Variants in NUP98 observed in about 807,000 individuals in gnomAD.
NUP98 encodes the protein nuclear pore complex protein Nup98-Nup96.
NUP98 carries 26 observed loss-of-function variants against 191.9 expected under a neutral mutation model. The ratio of observed to expected loss-of-function variants is 0.14; its 90% CI spans 0.10 to 0.19. The LOEUF (loss-of-function observed/expected upper bound fraction) is 0.19, where lower values mean the gene tolerates loss of function less well. Among genes scored for constraint, NUP98 ranks in the 10% least tolerant of loss-of-function variants. NUP98 has a pLI of 1.00. For synonymous variants in NUP98, 808 were observed against 778.4 expected (o/e 1.04, Z -0.63); for missense variants, 1,941 against 2,178.8 (o/e 0.89, Z 2.17).
chr11:3,793,913 G>C (rs938526358), intron 1 of NUP98, among the ~76,000 whole-genome samples: 3 of 152,074 alleles, frequency 2.0e-5, no homozygotes, highest in East Asian at 3.9e-4. Context: ...AGGTTGCGGT[G>C]AGCCAAGATC....
intron 12 of NUP98, among the ~76,000 whole-genome samples, chr11:3,738,757 GAC>G (rs1239361136): frequency 9.5e-6 from 1 of 105,654 alleles, no homozygotes; most frequent in Non-Finnish European, 1.7e-5. Context: ...CAGCCTGGGT[GAC>G]AGAGTAAGAC....
intron 26 of NUP98, 69 bp downstream of exon 26, chr11:3,695,380 C>T: frequency 7.3e-7 from 1 of 1,364,276 alleles, no homozygotes; most frequent in Non-Finnish European, 9.7e-7. Flanking sequence ...CACTCCTTGC[C>T]TCAACCTCAA....
chr11:3,729,761 C>T (rs1468866520), intron 14 of NUP98, among the ~76,000 whole-genome samples: 1 of 125,926 alleles, frequency 7.9e-6, no homozygotes, highest in Non-Finnish European at 1.7e-5. Flanking sequence ...TTGACAGCAA[C>T]ACCACAGAAG....
intron 7 of NUP98, among the ~76,000 whole-genome samples, chr11:3,771,142 C>T (rs146178501): frequency 3.5e-3 from 536 of 152,294 alleles, no homozygotes; most frequent in African/African-American, 0.013. Flanking sequence ...GGACTGCAGG[C>T]GTGAGCCACC....
At chr11:3,757,306 T>C (rs1043259198) in intron 10 of NUP98, among the ~76,000 whole-genome samples, 20 of 150,708 alleles carry the variant, frequency 1.3e-4, no homozygotes, top group Non-Finnish European at 2.5e-4. Context: ...CTGGGTGACA[T>C]GGCAAACCCT....
chr11:3,695,699 C>A, intron 25 of NUP98, 93 bp from the exon 26 acceptor site: 1 of 906,616 alleles, frequency 1.1e-6, no homozygotes, highest in Non-Finnish European at 1.5e-6. Context: ...TTCCAGCCTT[C>A]AGAAGGGAGG....
rs1291676926 is a variant in NUP98, at chr11:3,691,392, G to A, written c.4409C>T (p.Pro1470Leu). 2 of 1,614,170 alleles carry A rather than the reference G, an allele frequency of 1.2e-6. No individual in the cohort carries two copies. The highest frequency in any genetic ancestry group is 2.2e-5 in the East Asian group (1 of 44,894). ...AAGGTGAAAGCAGACATCTCGAAGT[G>A]GTGTCTGTGAGTTTTGCTCCTCCGC... Reference protein sequence around the residue: ...VIAEEQNSQTPLRDVCFHLLK... With the variant: ...VIAEEQNSQTLLRDVCFHLLK... The change falls in exon 28 of 33, where the codon CCA becomes CTA. Residue 1470 changes from proline (P) to leucine (L), a missense_variant. Physicochemically the swap from Pro to Leu is moderately conservative, Grantham distance 98. Around this residue, in one of 6 missense-constraint regions of NUP98, gnomAD observed 1,030 missense variants for 1,115.8 expected, o/e 0.92. Transcript: ENST00000324932.
At chr11:3,741,630 G>A (rs1293572433) in intron 12 of NUP98, among the ~76,000 whole-genome samples, 1 of 151,800 alleles carries the variant, frequency 6.6e-6, no homozygotes, top group Non-Finnish European at 1.5e-5. Context: ...CAAAAAAAAA[G>A]GAAATCCAAA....
At chr11:3,727,514 G>A (rs1049122102) in intron 14 of NUP98, among the ~76,000 whole-genome samples, 1 of 152,094 alleles carries the variant, frequency 6.6e-6, no homozygotes. Context: ...GAACATCACA[G>A]AAAACAATAA....
At chr11:3,782,905 A>C (rs893477181) in intron 1 of NUP98, among the ~76,000 whole-genome samples, 2 of 151,994 alleles carry the variant, frequency 1.3e-5, no homozygotes, top group African/African-American at 4.8e-5. Context: ...TTTCTCCCCT[A>C]CCTTCGAGGG....
intron 24 of NUP98, among the ~76,000 whole-genome samples, chr11:3,700,264 G>A (rs1405227660): frequency 6.1e-5 from 6 of 98,858 alleles, no homozygotes; most frequent in African/African-American, 2.2e-4. Context: ...GTGAGACTCC[G>A]TCTCAAAAAA....
In NUP98 at chr11:3,686,157, T is replaced by G. The variant is rs147605575; in HGVS notation, c.4492A>C (p.Ile1498Leu). The G allele has an allele frequency of 6.2e-7, 1 of 1,614,272 alleles. No homozygotes were observed. Among genetic ancestry groups the G allele is most frequent in the African/African-American group, 1.3e-5 (1 of 75,072 alleles). Residue 1498 changes from isoleucine (I) to leucine (L), a missense_variant, in exon 29 of 33, where the codon ATA becomes CTA. Around this residue, in one of 6 missense-constraint regions of NUP98, gnomAD observed 1,030 missense variants for 1,115.8 expected, o/e 0.92. Transcript: ENST00000324932. ...CGGTAGTCCAAAGGATCTGCTGTTA[T>G]GCTTCGAGGCTCCAGCAGCTGGTTG... ...DLNQLLEPRS[I>L]TADPLDYRLS...
chr11:3,744,691 C>G lies in NUP98; in HGVS notation c.1268-42G>C, dbSNP rs368021811. ...AAAGAAAAAAGCACCACAGAAGATC[C>G]TTTCAATGTTGTGCCAGAGGTCAGT... On this transcript the variant is annotated intron_variant, in intron 11 of 32. Transcript: ENST00000324932. 5.7e-6 allele frequency: 9 copies of G among 1,566,562 alleles called. No individual in the cohort carries two copies. The Admixed American group carries it at 1.8e-4, about 32-fold the overall frequency.
intron 31 of NUP98, 105 bp downstream of exon 31, chr11:3,679,448 CT>C (rs1210664792): frequency 7.8e-7 from 1 of 1,274,942 alleles, no homozygotes; most frequent in African/African-American, 1.5e-5. Context: ...ACAGTGCTAT[CT>C]CTGTCAGTGC....
intron 12 of NUP98, among the ~76,000 whole-genome samples, chr11:3,744,235 G>GT (rs2080403247): frequency 6.6e-6 from 1 of 152,048 alleles, no homozygotes; most frequent in Non-Finnish European, 1.5e-5. Context: ...CCAAAACACA[G>GT]TAATATAAGC....
chr11:3,703,033 G>A (rs946981900), intron 22 of NUP98, 141 bp from the exon 23 acceptor site: 23 of 698,964 alleles, frequency 3.3e-5, no homozygotes, highest in Non-Finnish European at 4.6e-5. Context: ...ATGACCAGAA[G>A]CAGGCTAAGT....
Sources: gnomAD v4.1 joint callset for allele counts (sites outside exome capture counted in the v4.1 genomes callset) on GRCh38, gnomAD v4.1.1 for gene constraint, gnomAD v4.1.1 regional missense constraint, MANE v1.5 for transcripts, NCBI Gene and HGNC (gene_info 2026-07-23, HGNC 2026-07-21) for gene names.